Variants in CD53 observed in about 807,000 individuals in gnomAD.
The protein encoded by CD53 is leukocyte surface antigen CD53.
Under a neutral mutation model 27.3 loss-of-function variants are expected in CD53, and 20 were observed. The observed-to-expected ratio is 0.73, with a 90% CI of 0.52 to 1.07. CD53 has a LOEUF of 1.07. Among genes scored for constraint, CD53 ranks in the 50% least tolerant of loss-of-function variants. The pLI is 0.00. For synonymous variants in CD53, 106 were observed against 105.3 expected (o/e 1.01, Z -0.04); for missense variants, 216 against 264.0 (o/e 0.82, Z 1.26).
chr1:110,886,873 T>TTTC (rs1656640030), intron 1 of CD53, among the ~76,000 whole-genome samples: 1 of 82,728 alleles, frequency 1.2e-5, no homozygotes, highest in Admixed American at 1.4e-4. Flanking sequence ...ATATATATTT[T>TTTC]TTTTTTCTGT....
intron 7 of CD53, 80 bp from the exon 8 acceptor site, chr1:110,899,044 T>C: frequency 9.4e-7 from 1 of 1,059,346 alleles, no homozygotes; most frequent in Non-Finnish European, 1.4e-6. Flanking sequence ...ACATTCTTTT[T>C]CTCAGAGGCC....
At chr1:110,879,960 C>CA (rs147886091) in intron 1 of CD53, among the ~76,000 whole-genome samples, 8 of 151,310 alleles carry the variant, frequency 5.3e-5, no homozygotes, top group Admixed American at 1.3e-4. Context: ...TAGTACAGGT[C>CA]AAAAAAAAGA....
At chr1:110,891,868 G>C (rs148197622) in intron 2 of CD53, among the ~76,000 whole-genome samples, 2 of 152,286 alleles carry the variant, frequency 1.3e-5, no homozygotes, top group African/African-American at 2.4e-5. Flanking sequence ...AGGTTTCACT[G>C]TATAAAATTC....
chr1:110,889,835 A>G (rs571324302), intron 1 of CD53, among the ~76,000 whole-genome samples: 132 of 152,278 alleles, frequency 8.7e-4, no homozygotes, highest in African/African-American at 2.9e-3. Context: ...ATTACACTTT[A>G]CTTCTGATAT....
chr1:110,892,498 G>C lies in CD53; in HGVS notation c.217G>C (p.Gly73Arg). 6.2e-7 allele frequency: 1 copy of C among 1,614,076 alleles called. No homozygotes were observed. Among genetic ancestry groups the C allele is most frequent in the Non-Finnish European group, 8.5e-7 (1 of 1,179,992 alleles). Residue 73 changes from glycine (G) to arginine (R), a missense_variant, in exon 3 of 8, where the codon GGC becomes CGC. Gly to Arg is a moderately radical substitution (Grantham distance 125). Coordinates refer to ENST00000271324, the MANE Select transcript of CD53 (RefSeq NM_000560.4). ...IMVVAFLGCM[G>R]SIKENKCLLM... ...GGTAGTTGCCTTCCTGGGCTGCATG[G>C]GCTCTATCAAGGAAAACAAGTGTCT...
Position 110,897,866 on chromosome 1 carries a change from A to T in CD53, c.562A>T (p.Ile188Phe). 6.2e-7 allele frequency: 1 copy of T among 1,611,362 alleles called. No individual in the cohort carries two copies. The highest frequency in any genetic ancestry group is 1.1e-5 in the South Asian group (1 of 90,976). The change falls in exon 7 of 8, where the codon ATC (isoleucine) becomes TTC (phenylalanine). Residue 188 changes from isoleucine to phenylalanine, a missense_variant. Transcript: ENST00000271324. ...FHSNFLYIGI[I>F]TICVCVIEVL... The stretch of plus-strand genomic sequence containing the variant: ...TTCCAATTTCCTGTATATCGGAATC[A>T]TCACCATCTGTGTATGTGTGATTGA...
chr1:110,896,629 T>C (rs1657076019), intron 5 of CD53, 24 bp from the exon 6 acceptor site: 14 of 1,608,538 alleles, frequency 8.7e-6, no homozygotes, highest in Non-Finnish European at 1.2e-5. Flanking sequence ...CTAACCATCA[T>C]CATTTTGGGG....
intron 7 of CD53, 50 bp downstream of exon 7, chr1:110,897,942 G>A: frequency 9.4e-7 from 1 of 1,068,088 alleles, no homozygotes; most frequent in Admixed American, 1.9e-5. Context: ...AGTTAAGTCA[G>A]GTAAGATTTC....
chr1:110,878,267 C>CA (rs1656204072), intron 1 of CD53, among the ~76,000 whole-genome samples: 1 of 152,170 alleles, frequency 6.6e-6, no homozygotes, highest in African/African-American at 2.4e-5. Flanking sequence ...TGGGAGCCCT[C>CA]ACTGGGGCAG....
At chr1:110,890,453 G>A (rs567155670) in intron 1 of CD53, among the ~76,000 whole-genome samples, 1 of 152,236 alleles carries the variant, frequency 6.6e-6, no homozygotes, top group South Asian at 2.1e-4. Flanking sequence ...TTTAGTCTCA[G>A]CTACCTGGGA....
intron 3 of CD53, among the ~76,000 whole-genome samples, chr1:110,893,321 T>C (rs1397665696): frequency 6.6e-6 from 1 of 152,212 alleles, no homozygotes; most frequent in Non-Finnish European, 1.5e-5. Context: ...TTTGTTTTTT[T>C]CTTCTTGTTG....
chr1:110,894,396 C>T lies in CD53; in HGVS notation c.322C>T (p.Gln108Ter). The T allele has an allele frequency of 6.2e-7, 1 of 1,612,264 alleles. No homozygotes were observed. The highest frequency in any genetic ancestry group is 8.5e-7 in the Non-Finnish European group (1 of 1,178,354). The change falls in exon 4 of 8, where the codon CAG becomes TAG. Residue 108 changes from glutamine (Q) to a stop codon, truncating the protein, a stop_gained. Transcript: ENST00000271324. LOFTEE classifies it high-confidence loss of function. ...GGCCATCCTGCTCTTTGTATATGAA[C>T]AGAAGGTAAGTTATAAAGACAACAA... ...TLAILLFVYE[Q>*]KLNEYVAKGL...
At position 110,899,162 on chromosome 1, in the gene CD53, G is replaced by T; in HGVS notation, c.627G>T (p.Gln209His). The change falls in exon 8 of 8, where the codon CAG becomes CAT. Residue 209 changes from glutamine to histidine, a missense_variant. Physicochemically the swap from Gln to His is conservative, Grantham distance 24. Transcript: ENST00000271324. Reference protein sequence around the residue: ...GMSFALTLNCQIDKTSQTIGL With the variant: ...GMSFALTLNCHIDKTSQTIGL ...CCTTTGCACTGACCCTGAACTGCCA[G>T]ATTGACAAAACCAGCCAGACCATAG... The T allele has an allele frequency of 6.2e-7, 1 of 1,613,960 alleles. No individual in the cohort carries two copies. The highest frequency in any genetic ancestry group is 8.5e-7 in the Non-Finnish European group (1 of 1,179,894).
In CD53 at chr1:110,879,621, G is replaced by A. The variant is rs547983922; in HGVS notation, c.-18+6373G>A. ...GAGCACTTACTAATATCTCATAAGC[G>A]TAATGGTCTATGTAGCACCAAAGCT... On this transcript the variant is annotated intron_variant, in intron 1 of 7. Coordinates refer to ENST00000271324, the MANE Select transcript of CD53 (RefSeq NM_000560.4). 2.2e-4 allele frequency among the ~76,000 whole-genome samples: 33 copies of A among 152,048 alleles called. No individual in the cohort carries two copies. In the South Asian group the frequency reaches 5.6e-3, roughly 26 times the overall value.
intron 7 of CD53, 48 bp downstream of exon 7, chr1:110,897,940 C>T: frequency 9.2e-7 from 1 of 1,087,746 alleles, no homozygotes. Flanking sequence ...TGAGTTAAGT[C>T]AGGTAAGATT....
At chr1:110,886,614 C>T (rs1352151143) in intron 1 of CD53, among the ~76,000 whole-genome samples, 3 of 151,798 alleles carry the variant, frequency 2.0e-5, no homozygotes, top group East Asian at 1.9e-4. Context: ...TTTGGGAGGC[C>T]GAGGTGGGTG....
At chr1:110,882,712 A>G (rs909987632) in intron 1 of CD53, among the ~76,000 whole-genome samples, 2 of 152,032 alleles carry the variant, frequency 1.3e-5, no homozygotes, top group Non-Finnish European at 2.9e-5. Context: ...ATATCTCTCC[A>G]TTATTTGCAT....
At chr1:110,885,116 C>T (rs982828954) in intron 1 of CD53, among the ~76,000 whole-genome samples, 20 of 152,228 alleles carry the variant, frequency 1.3e-4, no homozygotes, top group African/African-American at 4.6e-4. Flanking sequence ...TTCCACTTTA[C>T]ATATAAGAAG....
chr1:110,898,743 A>C (rs1260208488), intron 7 of CD53, among the ~76,000 whole-genome samples: 1 of 152,154 alleles, frequency 6.6e-6, no homozygotes, highest in Non-Finnish European at 1.5e-5. Context: ...GTTAAAACTC[A>C]ATCAGGAAGC....
Sources: gnomAD v4.1 joint callset for allele counts (sites outside exome capture counted in the v4.1 genomes callset) on GRCh38, gnomAD v4.1.1 for gene constraint, MANE v1.5 for transcripts, NCBI Gene and HGNC (gene_info 2026-07-23, HGNC 2026-07-21) for gene names.